The following RALYL variants were observed in gnomAD, a reference collection of about 807,000 sequenced individuals.
The protein encoded by RALYL is RNA-binding Raly-like protein.
In RALYL, 29 loss-of-function variants were observed where a neutral mutation model predicts 35.1. That is an observed-to-expected ratio of 0.83 (90% CI 0.61 to 1.13). The LOEUF (loss-of-function observed/expected upper bound fraction) is 1.13. Among genes scored for constraint, RALYL ranks in the 50% most tolerant of loss-of-function variants. The pLI is 0.00. For synonymous variants in RALYL, 120 were observed against 127.6 expected (o/e 0.94, Z 0.40); for missense variants, 359 against 360.4 (o/e 1.00, Z 0.03).
At chr8:84,320,988 T>C (rs576684480) in intron 1 of RALYL, among the ~76,000 whole-genome samples, 1 of 152,250 alleles carries the variant, frequency 6.6e-6, no homozygotes, top group African/African-American at 2.4e-5. Context: ...TTTCATTTTT[T>C]GGCATATTGC....
chr8:84,689,892 A>C (rs1008272345), intron 2 of RALYL, among the ~76,000 whole-genome samples: 10 of 152,142 alleles, frequency 6.6e-5, no homozygotes, highest in Non-Finnish European at 1.5e-4. Context: ...AAAAGATAGC[A>C]AGTGTCATCA....
intron 1 of RALYL, among the ~76,000 whole-genome samples, chr8:84,414,394 G>A (rs1423214641): frequency 2.0e-5 from 3 of 152,128 alleles, no homozygotes; most frequent in Non-Finnish European, 4.4e-5. Flanking sequence ...GACTCAGAAA[G>A]TTTACTTGCA....
intron 1 of RALYL, among the ~76,000 whole-genome samples, chr8:84,460,714 TG>T (rs1232451440): frequency 1.3e-5 from 2 of 151,672 alleles, no homozygotes; most frequent in African/African-American, 4.8e-5. Flanking sequence ...GGAACAAAAG[TG>T]GAAAAAGAAC....
chr8:84,721,374 T>C (rs1184441632), intron 2 of RALYL, among the ~76,000 whole-genome samples: 1 of 152,134 alleles, frequency 6.6e-6, no homozygotes, highest in Non-Finnish European at 1.5e-5. Flanking sequence ...GCCCAAGATA[T>C]GGAATCAACT....
At chr8:84,583,292 C>T (rs1236223369) in intron 2 of RALYL, among the ~76,000 whole-genome samples, 1 of 152,028 alleles carries the variant, frequency 6.6e-6, no homozygotes, top group Non-Finnish European at 1.5e-5. Flanking sequence ...TTGTTGAATT[C>T]CTGAATATGA....
chr8:84,565,744 T>C (rs1206727079), intron 2 of RALYL, among the ~76,000 whole-genome samples: 1 of 151,642 alleles, frequency 6.6e-6, no homozygotes, highest in East Asian at 1.9e-4. Context: ...TAAGGTTACA[T>C]TAATTTAGGT....
intron 2 of RALYL, among the ~76,000 whole-genome samples, chr8:84,664,177 G>A (rs139476937): frequency 6.7e-6 from 1 of 149,134 alleles, no homozygotes; most frequent in Non-Finnish European, 1.5e-5. Flanking sequence ...TGGTCTTTGT[G>A]TCTTTGTACC....
intron 4 of RALYL, among the ~76,000 whole-genome samples, chr8:84,843,398 T>A (rs1586711006): frequency 6.6e-6 from 1 of 151,924 alleles, no homozygotes; most frequent in East Asian, 1.9e-4. Context: ...TACCTAGGAA[T>A]CCAACTTACA....
intron 1 of RALYL, among the ~76,000 whole-genome samples, chr8:84,308,900 C>G (rs896157922): frequency 2.0e-5 from 3 of 151,556 alleles, no homozygotes; most frequent in Admixed American, 2.0e-4. Context: ...AAAACATGGG[C>G]AAAGATATAA....
At chr8:84,559,721 C>T (rs1406677) in intron 2 of RALYL, among the ~76,000 whole-genome samples, 1 of 151,916 alleles carries the variant, frequency 6.6e-6, no homozygotes, top group African/African-American at 2.4e-5. Flanking sequence ...TAACTTATTT[C>T]AGGATTTAAG....
intron 4 of RALYL, among the ~76,000 whole-genome samples, chr8:84,845,491 T>C (rs1352406531): frequency 6.6e-6 from 1 of 152,228 alleles, no homozygotes; most frequent in Non-Finnish European, 1.5e-5. Flanking sequence ...TGTCTGTTCA[T>C]GTCTTTTGCC....
chr8:84,348,208 A>G (rs757012750), intron 1 of RALYL, among the ~76,000 whole-genome samples: 22 of 152,120 alleles, frequency 1.4e-4, no homozygotes, highest in Admixed American at 7.2e-4. Context: ...CAGCTTTAAG[A>G]CAAATTTAAT....
chr8:84,648,326 A>C (rs1827932247), intron 2 of RALYL, among the ~76,000 whole-genome samples: 1 of 152,100 alleles, frequency 6.6e-6, no homozygotes, highest in Admixed American at 6.6e-5. Context: ...GTCAGCATCC[A>C]TGGCTCAAGC....
intron 4 of RALYL, among the ~76,000 whole-genome samples, chr8:84,826,998 T>A (rs1829868050): frequency 6.6e-6 from 1 of 151,904 alleles, no homozygotes; most frequent in African/African-American, 2.4e-5. Context: ...CCCCTAGCAA[T>A]AGGAAAATGT....
At chr8:84,800,892 G>A (rs970823733) in intron 3 of RALYL, among the ~76,000 whole-genome samples, 2 of 151,934 alleles carry the variant, frequency 1.3e-5, no homozygotes, top group African/African-American at 4.8e-5. Flanking sequence ...CCTGTTTCTG[G>A]TATGGTCGTG....
intron 2 of RALYL, among the ~76,000 whole-genome samples, chr8:84,555,072 C>T (rs1013003094): frequency 2.6e-5 from 4 of 151,948 alleles, no homozygotes; most frequent in African/African-American, 4.8e-5. Context: ...CGAGGTCAGG[C>T]GTTCAAGACC....
At chr8:84,625,287 T>C (rs933074975) in intron 2 of RALYL, among the ~76,000 whole-genome samples, 3 of 152,152 alleles carry the variant, frequency 2.0e-5, no homozygotes, top group Non-Finnish European at 4.4e-5. Context: ...TGAAATGATA[T>C]AGTAATTATA....
At chr8:84,870,121 A>AT (rs1839929672) in intron 6 of RALYL, among the ~76,000 whole-genome samples, 1 of 152,172 alleles carries the variant, frequency 6.6e-6, no homozygotes, top group African/African-American at 2.4e-5. Flanking sequence ...GAACTTTGTA[A>AT]TTTTTTTAAT....
chr8:84,282,198 T>C (rs1354804528), intron 1 of RALYL, among the ~76,000 whole-genome samples: 1 of 151,500 alleles, frequency 6.6e-6, no homozygotes, highest in Non-Finnish European at 1.5e-5. Flanking sequence ...TCTATCACTA[T>C]AGGTATTATC....
Sources: gnomAD v4.1 joint callset for allele counts (sites outside exome capture counted in the v4.1 genomes callset) on GRCh38, gnomAD v4.1.1 for gene constraint, MANE v1.5 for transcripts, NCBI Gene and HGNC (gene_info 2026-07-23, HGNC 2026-07-21) for gene names.